SIK3: variants seen among roughly 807,000 people sequenced by gnomAD.
SIK3 encodes the protein SIK family kinase 3, also known as serine/threonine-protein kinase SIK3.
A neutral mutation model predicts 144.2 loss-of-function variants in SIK3; 28 were observed. The observed-to-expected ratio is 0.19, with a 90% CI of 0.14 to 0.27. The LOEUF is 0.27. Among genes scored for constraint, SIK3 ranks in the 10% least tolerant of loss-of-function variants. The pLI is 1.00. For missense variants in SIK3, 1,319 were observed against 1,776.0 expected, an observed-to-expected ratio of 0.74 and a Z score of 4.62; for synonymous variants, 686 against 676.3, an observed-to-expected ratio of 1.01 and a Z score of -0.22.
chr11:117,095,044 C>T (rs935717411), intron 1 of SIK3, among the ~76,000 whole-genome samples: 2 of 152,062 alleles, frequency 1.3e-5, no homozygotes, highest in South Asian at 2.1e-4. Context: ...TTTTATTCAT[C>T]CCAGGATCCC....
chr11:117,029,880 G>A (rs1952179688), intron 1 of SIK3, among the ~76,000 whole-genome samples: 1 of 151,676 alleles, frequency 6.6e-6, no homozygotes, highest in Non-Finnish European at 1.5e-5. Flanking sequence ...ACTCAGCAGA[G>A]ATATGGGATT....
intron 1 of SIK3, among the ~76,000 whole-genome samples, chr11:116,958,416 CT>C (rs1253090692): frequency 6.6e-6 from 1 of 152,158 alleles, no homozygotes; most frequent in African/African-American, 2.4e-5. Flanking sequence ...CAAGCCATGC[CT>C]AACGAGGGAG....
intron 1 of SIK3, among the ~76,000 whole-genome samples, chr11:117,042,586 G>T (rs1260692731): frequency 6.6e-6 from 1 of 152,148 alleles, no homozygotes; most frequent in Non-Finnish European, 1.5e-5. Flanking sequence ...TATTTTCCAG[G>T]AGTCTTTCCT....
intron 1 of SIK3, among the ~76,000 whole-genome samples, chr11:117,059,990 C>T (rs1399127068): frequency 1.3e-5 from 2 of 152,248 alleles, no homozygotes; most frequent in Non-Finnish European, 2.9e-5. Context: ...TCACGCAGTT[C>T]TGTCTTTGGT....
intron 21 of SIK3, among the ~76,000 whole-genome samples, chr11:116,850,983 T>G (rs534332930): frequency 6.6e-6 from 1 of 152,330 alleles, no homozygotes; most frequent in South Asian, 2.1e-4. Flanking sequence ...CACTCCAGCC[T>G]GGGCAACAGA....
chr11:117,058,173 C>T (rs921471826), intron 1 of SIK3, among the ~76,000 whole-genome samples: 5 of 152,168 alleles, frequency 3.3e-5, no homozygotes, highest in African/African-American at 7.2e-5. Context: ...GAAGCTAAGG[C>T]GCTAAGAGGA....
chr11:116,946,460 G>A (rs1273633658), intron 3 of SIK3, among the ~76,000 whole-genome samples: 5 of 152,130 alleles, frequency 3.3e-5, no homozygotes, highest in African/African-American at 9.7e-5. Flanking sequence ...ACCAGATGAC[G>A]CCTACACACA....
rs1215630709 is a variant in SIK3, at chr11:117,084,113, T to C, written c.273+14030A>G. 5.9e-5 allele frequency among the ~76,000 whole-genome samples: 9 copies of C among 152,350 alleles called. No homozygotes were observed. In the East Asian group the frequency reaches 1.7e-3, roughly 29 times the overall value. ...AACGCAGAAGCTCTCTTAGCCCACC[T>C]TCACTCAACCAACCTGCCAAAATAA... On this transcript the variant is annotated intron_variant, in intron 1 of 24. Coordinates refer to ENST00000445177, the MANE Select transcript of SIK3 (RefSeq NM_001366686.3).
intron 1 of SIK3, among the ~76,000 whole-genome samples, chr11:117,070,560 C>T (rs992292115): frequency 8.6e-5 from 13 of 151,956 alleles, no homozygotes; most frequent in Non-Finnish European, 1.5e-4. Flanking sequence ...GATTCTCCTG[C>T]CTCAGCCTCC....
intron 1 of SIK3, among the ~76,000 whole-genome samples, chr11:116,962,243 G>A (rs1373268215): frequency 6.6e-6 from 1 of 152,190 alleles, no homozygotes; most frequent in East Asian, 1.9e-4. Flanking sequence ...TACGGATTCA[G>A]GGATATGCCA....
intron 21 of SIK3, 197 bp downstream of exon 21, chr11:116,857,613 A>G (rs1565365937): frequency 2.5e-6 from 2 of 787,592 alleles, no homozygotes; most frequent in Non-Finnish European, 3.8e-6. Flanking sequence ...ATTTTGTATC[A>G]TGGTCCTTTG....
Position 116,876,241 on chromosome 11 carries a change from C to T in SIK3, c.1095+12G>A. On this transcript the variant is annotated intron_variant, in intron 8 of 24. Coordinates refer to ENST00000445177, the MANE Select transcript of SIK3 (RefSeq NM_001366686.3). ...CTACATCCCACTTTGTTCTCCACTC[C>T]TTCGGAGATACCTGCAGTGTCTGTT... 9.3e-6 allele frequency: 15 copies of T among 1,611,052 alleles called. No individual in the cohort carries two copies. The highest frequency in any genetic ancestry group is 1.3e-5 in the Non-Finnish European group (15 of 1,177,732).
At chr11:116,957,178 T>C (rs1452978690) in intron 1 of SIK3, 114 bp from the exon 2 acceptor site, 3 of 549,276 alleles carry the variant, frequency 5.5e-6, no homozygotes, top group African/African-American at 3.8e-5. Context: ...GCCAGTATTC[T>C]GTTTACAGAA....
intron 3 of SIK3, among the ~76,000 whole-genome samples, chr11:116,943,283 G>C (rs1948412761): frequency 6.6e-6 from 1 of 152,170 alleles, no homozygotes; most frequent in Non-Finnish European, 1.5e-5. Context: ...GAGTTCACAG[G>C]GGGAATAACA....
At chr11:117,047,096 T>C (rs1211469347) in intron 1 of SIK3, among the ~76,000 whole-genome samples, 2 of 152,236 alleles carry the variant, frequency 1.3e-5, no homozygotes, top group Non-Finnish European at 1.5e-5. Context: ...ATACTTTCCT[T>C]AATGAAAACA....
chr11:116,904,842 C>T (rs539812526), intron 4 of SIK3: 33 of 162,668 alleles, frequency 2.0e-4, no homozygotes, highest in East Asian at 1.7e-3. Flanking sequence ...CCTTCCGAAG[C>T]GCTGGGATTA....
chr11:116,962,100 G>A (rs1017092167), intron 1 of SIK3, among the ~76,000 whole-genome samples: 2 of 152,170 alleles, frequency 1.3e-5, no homozygotes, highest in Non-Finnish European at 2.9e-5. Flanking sequence ...AAATTCACTT[G>A]CATATTCTGA....
intron 1 of SIK3, among the ~76,000 whole-genome samples, chr11:117,012,902 A>AG (rs1341388733): frequency 8.6e-6 from 1 of 115,858 alleles, no homozygotes; most frequent in Non-Finnish European, 1.6e-5. Flanking sequence ...CCCAGGCTGG[A>AG]GTGCAGCGGC....
intron 12 of SIK3, 63 bp downstream of exon 12, chr11:116,873,840 A>G: frequency 6.4e-7 from 1 of 1,555,218 alleles, no homozygotes; most frequent in Non-Finnish European, 8.7e-7. Context: ...GGTGCCTCAT[A>G]GCCTCTCAAA....
Sources: allele counts gnomAD v4.1 joint callset (sites outside exome capture counted in the v4.1 genomes callset), GRCh38; gene constraint gnomAD v4.1.1; transcripts MANE v1.5; gene names NCBI Gene and HGNC (gene_info 2026-07-23, HGNC 2026-07-21).